The following CXXC1 variants were observed in gnomAD, a reference collection of about 807,000 sequenced individuals.
CXXC1 encodes CXXC finger protein 1.
CXXC1 carries 21 observed loss-of-function variants against 83.6 expected under a neutral mutation model. The observed-to-expected ratio is 0.25, with a 90% CI of 0.18 to 0.36. The LOEUF is 0.36. Ranked by LOEUF, CXXC1 falls within the 10% of genes least tolerant of loss-of-function variation. The pLI is 1.00. For missense variants in CXXC1, 688 were observed against 919.5 expected (o/e 0.75, Z 3.26); for synonymous variants, 371 against 337.5 (o/e 1.10, Z -1.09).
rs1390420744 is a variant in CXXC1 at position 50,286,123 on chromosome 18, G to A, written c.358C>T (p.Arg120Cys). 17 of 1,613,776 alleles carry A rather than the reference G, an allele frequency of 1.1e-5. No individual in the cohort carries two copies. Among genetic ancestry groups the A allele is most frequent in the African/African-American group, 2.7e-5 (2 of 74,914 alleles). Residue 120 changes from arginine to cysteine, a missense_variant, in exon 4 of 15, where the codon CGC (arginine) becomes TGC (cysteine). Around this residue, in one of 9 missense-constraint regions of CXXC1, gnomAD observed 142 missense variants for 150.7 expected, o/e 0.94. Coordinates refer to ENST00000285106, the MANE Select transcript of CXXC1 (RefSeq NM_014593.4). The stretch of plus-strand genomic sequence containing the variant: ...ACCCCTGTCCCTGACCCTGCCCGGC[G>A]CTGCAGGTCTGGATCAGGGACAGGC... ...KRPVPDPDLQRRAGSGTGVGA... is the reference protein window; with the variant it reads ...KRPVPDPDLQCRAGSGTGVGA...
chr18:50,284,151 A>C, intron 9 of CXXC1, 50 bp from the exon 10 acceptor site: 1 of 1,566,316 alleles, frequency 6.4e-7, no homozygotes, highest in Non-Finnish European at 8.7e-7. Flanking sequence ...TCAGTAAGTG[A>C]GAATGGCAAA....
chr18:50,285,066 TC>T lies in CXXC1; in HGVS notation c.847del (p.Asp283ThrfsTer25). 1 of 1,614,228 alleles carries T rather than the reference TC, an allele frequency of 6.2e-7. No individual in the cohort carries two copies. Among genetic ancestry groups the T allele is most frequent in the Non-Finnish European group, 8.5e-7 (1 of 1,180,032 alleles). ...ATACAGGTCAGGATCCAGAGGTAGG[TC>T]CTCATCTGAGAGTGGCTCAGGTGTG... ...TATPEPLSDE[D>X]LPLDPDLYQD... On this transcript the variant is annotated frameshift_variant, in exon 7 of 15. Coordinates refer to ENST00000285106, the MANE Select transcript of CXXC1 (RefSeq NM_014593.4). LOFTEE classifies it high-confidence loss of function. The surrounding 1 kb of genome is among the most constrained non-coding windows in gnomAD (Gnocchi z 4.4).
chr18:50,287,281 G>A (rs2040729884), intron 1 of CXXC1: 2 of 521,184 alleles, frequency 3.8e-6, no homozygotes, highest in African/African-American at 3.8e-5. Context: ...TCCTCGTCAC[G>A]GCTCACTACA....
At position 50,283,454 on chromosome 18, in the gene CXXC1, C is replaced by A; in HGVS notation, c.1574+61G>T. 3.7e-6 allele frequency: 6 copies of A among 1,609,254 alleles called. No individual in the cohort carries two copies. The South Asian group carries it at 6.6e-5, about 18-fold the overall frequency. On this transcript the variant is annotated intron_variant, in intron 12 of 14. Transcript: ENST00000285106. Reference sequence around the variant, plus strand: ...CCGTATCCTGCCCCAGCTCCACACACATCCCACTTCTGACCCCCGCCTTAA... The same window carrying A: ...CCGTATCCTGCCCCAGCTCCACACAAATCCCACTTCTGACCCCCGCCTTAA...
Position 50,286,014 on chromosome 18 carries a change from C to T in CXXC1, c.459+8G>A, listed in dbSNP as rs1326104103. 3.7e-6 allele frequency: 6 copies of T among 1,613,578 alleles called. No homozygotes were observed. Among genetic ancestry groups the T allele is most frequent in the South Asian group, 2.2e-5 (2 of 91,078 alleles). On this transcript the variant is annotated splice_region_variant and intron_variant, in intron 4 of 14. Transcript: ENST00000285106. The stretch of plus-strand genomic sequence containing the variant: ...TTACACATCCATTCACTTTATGCAG[C>T]CACTCACCTGGCTGGGTGTGGCCAC...
Position 50,285,273 on chromosome 18 carries a change from C to CCCTGA in CXXC1, c.667-31_667-27dup. 6.2e-7 allele frequency: 1 copy of CCCTGA among 1,612,720 alleles called. No homozygotes were observed. The highest frequency in any genetic ancestry group is 8.5e-7 in the Non-Finnish European group (1 of 1,179,050). On this transcript the variant is annotated intron_variant, in intron 6 of 14. Coordinates refer to ENST00000285106, the MANE Select transcript of CXXC1 (RefSeq NM_014593.4). The surrounding 1 kb of genome is among the most constrained non-coding windows in gnomAD (Gnocchi z 4.4). ...CTGCAGGGCAGAATCTCAGGACTGG[C>CCCTGA]CCTGACCGCCCTGCCCGCATGCCCC...
In CXXC1 at chr18:50,284,988, T is replaced by C; in HGVS notation, c.912+14A>G. 1 of 1,613,954 alleles carries C rather than the reference T, an allele frequency of 6.2e-7. No individual in the cohort carries two copies. The highest frequency in any genetic ancestry group is 8.5e-7 in the Non-Finnish European group (1 of 1,179,846). On this transcript the variant is annotated intron_variant, in intron 7 of 14. Coordinates refer to ENST00000285106, the MANE Select transcript of CXXC1 (RefSeq NM_014593.4). The stretch of plus-strand genomic sequence containing the variant: ...CCTCCACCCTTCCACCAGTGGATGC[T>C]CCTGTCTGCTCACCAGGCCATGGTC...
Position 50,285,519 on chromosome 18 carries a change from C to T in CXXC1, c.640-168G>A, listed in dbSNP as rs115234383. 1.2e-3 allele frequency: 1,150 copies of T among 963,414 alleles called. 6 individuals carry two copies. The African/African-American group carries it at 0.017, about 14-fold the overall frequency. 59.7% of individuals were successfully genotyped at this position (963,414 alleles called of 1,614,324 possible). On this transcript the variant is annotated intron_variant, in intron 5 of 14. Coordinates refer to ENST00000285106, the MANE Select transcript of CXXC1 (RefSeq NM_014593.4). This position sits in a 1 kb window ranked among gnomAD's most constrained non-coding sequence, Gnocchi z 4.4. ...TGATCTGTACCAACATGCATGACCA[C>T]CTGAAAACACCTGGCCCCACTCTGT...
chr18:50,286,731 C>A lies in CXXC1; in HGVS notation c.122+9G>T. 1 of 1,612,426 alleles carries A rather than the reference C, an allele frequency of 6.2e-7. No individual in the cohort carries two copies. Among genetic ancestry groups the A allele is most frequent in the South Asian group, 1.1e-5 (1 of 91,056 alleles). On this transcript the variant is annotated intron_variant, in intron 2 of 14. Coordinates refer to ENST00000285106, the MANE Select transcript of CXXC1 (RefSeq NM_014593.4). ...CAGTGTCAGCCCCGCCCATCTCTCC[C>A]GCGCTCACATCATGAAGCAGTTGAT...
chr18:50,286,336 G>C, intron 3 of CXXC1, 79 bp from the exon 4 acceptor site: 4 of 1,348,034 alleles, frequency 3.0e-6, no homozygotes, highest in Non-Finnish European at 4.1e-6. Flanking sequence ...CTTCCTCTTC[G>C]CTCCCTTACT....
In CXXC1 at chr18:50,283,905, C is replaced by T. The variant is rs1403102788; in HGVS notation, c.1402G>A (p.Glu468Lys). ...ILRAKQQAVR[E>K]DEESNEGDSD... ...CCCTGCTTGCTCACCTCCTCATCCT[C>T]GCGCACAGCCTGCTGCTTGGCACGT... is the stretch of plus-strand genomic sequence containing the variant. Residue 468 changes from glutamate (E) to lysine (K), a missense_variant, in exon 10 of 15, where the codon GAG becomes AAG. Physicochemically the swap from Glu to Lys is moderately conservative, Grantham distance 56. Transcript: ENST00000285106. 7 of 1,613,934 alleles carry T rather than the reference C, an allele frequency of 4.3e-6. No individual in the cohort carries two copies. Among genetic ancestry groups the T allele is most frequent in the African/African-American group, 1.3e-5 (1 of 74,934 alleles).
In CXXC1 at chr18:50,284,500, T is replaced by C. The variant is rs768541836; in HGVS notation, c.1083A>G (p.Pro361=). ...KQKHKDKWKH[P]ERADAKDPAS... ...CAGGGTCCTTGGCATCAGCCCTCTC[T>C]GGGTGTTTCCATTTATCCTTGTGCT... Residue 361 remains proline, a synonymous_variant, in exon 9 of 15, where the codon CCA becomes CCG. Transcript: ENST00000285106. 2 of 1,608,356 alleles carry C rather than the reference T, an allele frequency of 1.2e-6. No individual in the cohort carries two copies. The highest frequency in any genetic ancestry group is 1.1e-5 in the South Asian group (1 of 90,308).
Position 50,286,722 on chromosome 18 carries a change from C to T in CXXC1, c.122+18G>A, listed in dbSNP as rs776063739. ...CCACCCTGCCAGTGTCAGCCCCGCC[C>T]ATCTCTCCCGCGCTCACATCATGAA... On this transcript the variant is annotated intron_variant, in intron 2 of 14. Coordinates refer to ENST00000285106, the MANE Select transcript of CXXC1 (RefSeq NM_014593.4). The T allele has an allele frequency of 3.1e-6, 5 of 1,611,102 alleles. No individual in the cohort carries two copies. In the South Asian group the frequency reaches 5.5e-5, roughly 18 times the overall value.
chr18:50,282,672 C>A lies in CXXC1; in HGVS notation c.1892G>T (p.Gly631Val), dbSNP rs764815103. 1 of 1,613,470 alleles carries A rather than the reference C, an allele frequency of 6.2e-7. No individual in the cohort carries two copies. Among genetic ancestry groups the A allele is most frequent in the Admixed American group, 1.7e-5 (1 of 60,030 alleles). ...NVRTAMTNRA[G>V]LLALMLHQTI... ...CTGGTGCAGCATCAGGGCCAGCAAT[C>A]CCGCGCGGTTTGTCATGGCTGTGCG... The change falls in exon 15 of 15, where the codon GGA (glycine) becomes GTA (valine). Residue 631 changes from glycine to valine, a missense_variant. Transcript: ENST00000285106. This position sits in a 1 kb window ranked among gnomAD's most constrained non-coding sequence, Gnocchi z 5.8.
intron 1 of CXXC1, 41 bp from the exon 2 acceptor site, chr18:50,286,899 C>T: frequency 7.2e-7 from 1 of 1,397,736 alleles, no homozygotes; most frequent in Non-Finnish European, 1.0e-6. Context: ...GCAGCCCCCA[C>T]CGTGGCGGCT....
At position 50,282,514 on chromosome 18, in the gene CXXC1, G is replaced by A. The variant is rs2040499707; in HGVS notation, c.*79C>T. On this transcript the variant is annotated 3_prime_UTR_variant, in exon 15 of 15. Transcript: ENST00000285106. This position sits in a 1 kb window ranked among gnomAD's most constrained non-coding sequence, Gnocchi z 5.8. ...CACAGGGAGAACCGGAGAAACAGAT[G>A]AGTGGAGGAACGGACACACGGGCAC... The A allele has an allele frequency of 4.5e-6, 7 of 1,538,924 alleles. No homozygotes were observed. The South Asian group carries it at 6.8e-5, about 15-fold the overall frequency.
chr18:50,285,994 C>T lies in CXXC1; in HGVS notation c.459+28G>A, dbSNP rs775410211. ...AGGGCTGAAACGGAACCACTTTACA[C>T]ATCCATTCACTTTATGCAGCCACTC... On this transcript the variant is annotated intron_variant, in intron 4 of 14. Coordinates refer to ENST00000285106, the MANE Select transcript of CXXC1 (RefSeq NM_014593.4). This position sits in a 1 kb window ranked among gnomAD's most constrained non-coding sequence, Gnocchi z 4.4. The T allele has an allele frequency of 9.9e-6, 16 of 1,613,686 alleles. No individual in the cohort carries two copies. The highest frequency in any genetic ancestry group is 9.9e-5 in the South Asian group (9 of 91,084).
At position 50,283,885 on chromosome 18, in the gene CXXC1, C is replaced by T; in HGVS notation, c.1413+9G>A. 1 of 1,614,060 alleles carries T rather than the reference C, an allele frequency of 6.2e-7. No individual in the cohort carries two copies. Among genetic ancestry groups the T allele is most frequent in the South Asian group, 1.1e-5 (1 of 91,080 alleles). ...CAGGCCCTGCTCTGCTGCGCCCCTGCTTGCTCACCTCCTCATCCTCGCGCA... is the reference window on the plus strand; with the variant it reads ...CAGGCCCTGCTCTGCTGCGCCCCTGTTTGCTCACCTCCTCATCCTCGCGCA... On this transcript the variant is annotated intron_variant, in intron 10 of 14. Transcript: ENST00000285106.
At position 50,284,085 on chromosome 18, in the gene CXXC1, G is replaced by T. The variant is rs1197707057; in HGVS notation, c.1222C>A (p.Leu408Ile). 1 of 1,606,394 alleles carries T rather than the reference G, an allele frequency of 6.2e-7. No homozygotes were observed. The change falls in exon 10 of 15, where the codon CTC (leucine) becomes ATC (isoleucine). Residue 408 changes from leucine (L) to isoleucine (I), a missense_variant. This residue lies in a region of CXXC1 where 100 missense variants were observed against 142.5 expected (regional missense o/e 0.70). Transcript: ENST00000285106. ...TGCCACTGCTGGATGCGCTGGGGGA[G>T]GATCTCGTAGATGCGGCTGCAGGGA... ...KLAANRIYEI[L>I]PQRIQQWQQS...
Sources: allele counts gnomAD v4.1 joint callset, GRCh38; gene constraint gnomAD v4.1.1; regional missense constraint gnomAD v4.1.1; non-coding constraint Gnocchi (gnomAD v3.1); transcripts MANE v1.5; gene names NCBI Gene and HGNC (gene_info 2026-07-23, HGNC 2026-07-21).